Variants in MVP observed in about 807,000 individuals in gnomAD.
The protein encoded by MVP is lung resistance-related protein.
In MVP, 62 loss-of-function variants were observed where a neutral mutation model predicts 83.5. The ratio of observed to expected loss-of-function variants is 0.74; its 90% CI spans 0.61 to 0.92. The LOEUF (loss-of-function observed/expected upper bound fraction) is 0.92, where lower values mean the gene tolerates loss of function less well. MVP is among the 40% of genes least tolerant of loss of function. The pLI, the probability that MVP is intolerant of heterozygous loss-of-function variation, is 0.00. For synonymous variants in MVP, 505 were observed against 504.1 expected, an observed-to-expected ratio of 1.00 and a Z score of -0.02; for missense variants, 1,000 against 1,203.4, an observed-to-expected ratio of 0.83 and a Z score of 2.50.
At chr16:29,843,349 GCTGGGCATGGTGGTA>G (rs1179908352) in intron 10 of MVP, among the ~76,000 whole-genome samples, 2 of 150,658 alleles carry the variant, frequency 1.3e-5, no homozygotes, top group African/African-American at 4.9e-5. Context: ...TTATAAACTA[GCTGGGCATGGTGGTA>G]CATGTCTATA....
rs528333946 is a variant in MVP, at chr16:29,830,319, A to C, written c.-35-196A>C. 6 of 452,366 alleles carry C rather than the reference A, an allele frequency of 1.3e-5. No individual in the cohort carries two copies. In the East Asian group the frequency reaches 2.5e-4, roughly 19 times the overall value. The allele number at this position is 452,366 out of a possible 1,614,324, so 28.0% of individuals were successfully genotyped here. A position where few individuals can be genotyped will look rare whatever the true frequency, so the allele number is the denominator to read the frequency against. ...CATCAAGCAGTTCTTGGCAAAGGTA[A>C]GGTCAGGATGGGCTGTGTCGTCTTG... On this transcript the variant is annotated intron_variant, in intron 1 of 14. Transcript: ENST00000357402.
At position 29,841,758 on chromosome 16, in the gene MVP, C is replaced by G; in HGVS notation, c.1354C>G (p.Arg452Gly). Residue 452 changes from arginine to glycine, a missense_variant, in exon 9 of 15, where the codon CGG becomes GGG. Arg to Gly is a moderately radical substitution (Grantham distance 125, BLOSUM62 -2). Coordinates refer to ENST00000357402, the MANE Select transcript of MVP (RefSeq NM_005115.5). This position sits in a 1 kb window ranked among gnomAD's most constrained non-coding sequence, Gnocchi z 4.7. ...TAAGAGCCTCCAGCCCTTGGCGCCC[C>G]GGAACAAGACCCGTGTGGTCAGCTA... is the stretch of plus-strand genomic sequence containing the variant. ...TAKSLQPLAPRNKTRVVSYRV... is the reference protein window; with the variant it reads ...TAKSLQPLAPGNKTRVVSYRV... 6.2e-7 allele frequency: 1 copy of G among 1,613,518 alleles called. No homozygotes were observed. The highest frequency in any genetic ancestry group is 8.5e-7 in the Non-Finnish European group (1 of 1,179,896).
rs2067534217 is a variant in MVP, at chr16:29,841,514, T to G, written c.1192-82T>G. On this transcript the variant is annotated intron_variant, in intron 8 of 14. Transcript: ENST00000357402. This position sits in a 1 kb window ranked among gnomAD's most constrained non-coding sequence, Gnocchi z 4.7. The stretch of plus-strand genomic sequence containing the variant: ...AACCTCGTGGCGCGCCTTCCCTGGA[T>G]GGGCTCTGCTTTGGGACAGCTGGGC... 2 of 1,492,846 alleles carry G rather than the reference T, an allele frequency of 1.3e-6. No individual in the cohort carries two copies. The allele number at this position is 1,492,846 out of a possible 1,614,324, so 92.5% of individuals were successfully genotyped here.
In MVP at chr16:29,847,177, A is replaced by G. The variant is rs1238439036; in HGVS notation, c.2266-20A>G. 1 of 1,609,956 alleles carries G rather than the reference A, an allele frequency of 6.2e-7. No homozygotes were observed. Among genetic ancestry groups the G allele is most frequent in the Admixed American group, 1.7e-5 (1 of 59,814 alleles). On this transcript the variant is annotated intron_variant, in intron 13 of 14. Transcript: ENST00000357402. ...AGCCTGGGTCAAAAAATAAAGAATGATTGATTTTTCCTCTTCCAGGAGGCT... is the reference window on the plus strand; with the variant it reads ...AGCCTGGGTCAAAAAATAAAGAATGGTTGATTTTTCCTCTTCCAGGAGGCT...
Position 29,841,924 on chromosome 16 carries a change from C to T in MVP, c.1446C>T (p.Phe482=), listed in dbSNP as rs748325373. The part of the protein sequence containing the change: ...DYREKRARVV[F]GPELVSLGPE... ...TCGGCTGTCTCTGCAGCGTGGTCTT[C>T]GGGCCTGAGCTGGTGTCGCTGGGTC... Residue 482 remains phenylalanine, a synonymous_variant, in exon 10 of 15, where the codon TTC becomes TTT. Transcript: ENST00000357402. The surrounding 1 kb of genome is among the most constrained non-coding windows in gnomAD (Gnocchi z 4.7). The T allele has an allele frequency of 5.5e-5, 89 of 1,612,362 alleles. No individual in the cohort carries two copies. Among genetic ancestry groups the T allele is most frequent in the Admixed American group, 1.2e-4 (7 of 60,016 alleles).
At chr16:29,834,170 G>A (rs946925695) in intron 5 of MVP, 104 bp downstream of exon 5, 26 of 1,466,666 alleles carry the variant, frequency 1.8e-5, no homozygotes, top group African/African-American at 8.4e-5. Flanking sequence ...CCAGAGAGGC[G>A]CTTTCCTGGT....
intron 1 of MVP, chr16:29,820,774 G>C (rs1459118805): frequency 6.6e-6 from 1 of 152,314 alleles, no homozygotes; most frequent in African/African-American, 2.4e-5. Context: ...GCAACTCTCA[G>C]GCCTCTCTCT....
At chr16:29,844,914 C>T (rs747461279) in intron 11 of MVP, 35 bp downstream of exon 11, 6 of 1,570,922 alleles carry the variant, frequency 3.8e-6, no homozygotes, top group Non-Finnish European at 5.1e-6. Flanking sequence ...GCCTATAATG[C>T]CCATGGCAGG....
intron 10 of MVP, among the ~76,000 whole-genome samples, chr16:29,842,875 C>T (rs1159275568): frequency 6.6e-6 from 1 of 152,150 alleles, no homozygotes; most frequent in Non-Finnish European, 1.5e-5. Context: ...TCCCAGTGAG[C>T]GTGCAGCCAA....
At chr16:29,821,477 C>T (rs1214313815) in intron 1 of MVP, 1 of 152,328 alleles carries the variant, frequency 6.6e-6, no homozygotes, top group Non-Finnish European at 1.5e-5. Context: ...TGGGTGCTGC[C>T]CTCCCAGGTT....
In MVP at chr16:29,840,249, G is replaced by T. The variant is rs372987332; in HGVS notation, c.981G>T (p.Ser327=). 2 of 1,613,924 alleles carry T rather than the reference G, an allele frequency of 1.2e-6. No individual in the cohort carries two copies. The highest frequency in any genetic ancestry group is 1.1e-5 in the South Asian group (1 of 91,076). The part of the protein sequence containing the change: ...EQGIQDVYVL[S]EQQGLLLRAL... ...GCATCCAGGATGTGTATGTGCTGTC[G>T]GAGCAGCAGGGGCTGCTGCTGAGGG... The change falls in exon 8 of 15, where the codon TCG becomes TCT. Residue 327 remains serine (S), a synonymous_variant. Coordinates refer to ENST00000357402, the MANE Select transcript of MVP (RefSeq NM_005115.5).
At position 29,847,081 on chromosome 16, in the gene MVP, C is replaced by T. The variant is rs2067591210; in HGVS notation, c.2266-116C>T. 4 of 1,179,638 alleles carry T rather than the reference C, an allele frequency of 3.4e-6. No homozygotes were observed. In the South Asian group the frequency reaches 5.7e-5, roughly 17 times the overall value. 73.1% of individuals were successfully genotyped at this position (1,179,638 alleles called of 1,614,324 possible). The stretch of plus-strand genomic sequence containing the variant: ...GGCACATGCCTGTAGTCCCAGCTAC[C>T]CAGGAGGCTGAGGCAGGAGGATCCT... On this transcript the variant is annotated intron_variant, in intron 13 of 14. Transcript: ENST00000357402.
chr16:29,847,737 A>G, intron 14 of MVP, 25 bp from the exon 15 acceptor site: 1 of 1,609,532 alleles, frequency 6.2e-7, no homozygotes, highest in Non-Finnish European at 8.5e-7. Context: ...GCCCATCTCA[A>G]CTTCCTCCTG....
At chr16:29,834,272 G>A in intron 5 of MVP, 1 of 633,104 alleles carries the variant, frequency 1.6e-6, no homozygotes. Context: ...ATGTGACCAT[G>A]ACCATGCGGA....
rs200010126 is a variant in MVP at position 29,840,294 on chromosome 16, G to C, written c.1026G>C (p.Glu342Asp). ...TGAGGGCCCTGCAGCCCCTGGAGGA[G>C]GGGGAGGATGAGGAGAAGGTCTCAC... ...LLLRALQPLE[E>D]GEDEEKVSHQ... The change falls in exon 8 of 15, where the codon GAG (glutamate) becomes GAC (aspartate). Residue 342 changes from glutamate to aspartate, a missense_variant. Transcript: ENST00000357402. The C allele has an allele frequency of 1.1e-5, 18 of 1,613,582 alleles. No homozygotes were observed. The East Asian group carries it at 3.6e-4, about 32-fold the overall frequency.
intron 13 of MVP, 149 bp from the exon 14 acceptor site, chr16:29,847,048 G>A (rs1009871477): frequency 4.9e-6 from 4 of 813,464 alleles, no homozygotes; most frequent in African/African-American, 1.7e-5. Context: ...TAATTGACTG[G>A]GTGTGGTGGC....
intron 7 of MVP, 78 bp downstream of exon 7, chr16:29,837,036 C>T (rs2067493736): frequency 1.5e-6 from 2 of 1,324,840 alleles, no homozygotes; most frequent in Admixed American, 2.2e-5. Flanking sequence ...TCTGCCTTCT[C>T]TCCTCCAGAC....
chr16:29,847,965 C>A lies in MVP; in HGVS notation c.2658C>A (p.Asn886Lys). 6.2e-7 allele frequency: 1 copy of A among 1,609,304 alleles called. No homozygotes were observed. Among genetic ancestry groups the A allele is most frequent in the East Asian group, 2.2e-5 (1 of 44,872 alleles). Reference protein sequence around the residue: ...SAQAPQAPGDNHVVPVLR With the variant: ...SAQAPQAPGDKHVVPVLR ...AGGCCCCTCAAGCTCCTGGAGACAA[C>A]CACGTGGTGCCTGTACTGCGCTAAC... The change falls in exon 15 of 15, where the codon AAC becomes AAA. Residue 886 changes from asparagine (N) to lysine (K), a missense_variant. Coordinates refer to ENST00000357402, the MANE Select transcript of MVP (RefSeq NM_005115.5).
Position 29,841,693 on chromosome 16 carries a change from G to T in MVP, c.1289G>T (p.Gly430Val). Residue 430 changes from glycine to valine, a missense_variant, in exon 9 of 15, where the codon GGG (glycine) becomes GTG (valine). Gly to Val is a moderately radical substitution (Grantham distance 109, BLOSUM62 -3). Transcript: ENST00000357402. This position sits in a 1 kb window ranked among gnomAD's most constrained non-coding sequence, Gnocchi z 4.7. The stretch of plus-strand genomic sequence containing the variant: ...GGGGTGGAGGAGCTGCTGAACAAGG[G>T]GCAGGACCCTCTGGCAGACAGGGGT... ...PPGVEELLNK[G>V]QDPLADRGEK... The T allele has an allele frequency of 6.2e-7, 1 of 1,612,272 alleles. No homozygotes were observed. The highest frequency in any genetic ancestry group is 8.5e-7 in the Non-Finnish European group (1 of 1,179,470).
Sources: allele counts gnomAD v4.1 joint callset (sites outside exome capture counted in the v4.1 genomes callset), GRCh38; gene constraint gnomAD v4.1.1; non-coding constraint Gnocchi (gnomAD v3.1); transcripts MANE v1.5; gene names NCBI Gene and HGNC (gene_info 2026-07-23, HGNC 2026-07-21).